DNAH7: variants seen among roughly 807,000 people sequenced by gnomAD.
DNAH7 encodes axonemal beta dynein heavy chain 7.
Under a neutral mutation model 444.6 loss-of-function variants are expected in DNAH7, and 397 were observed. The ratio of observed to expected loss-of-function variants is 0.89; its 90% CI spans 0.82 to 0.97. The LOEUF (loss-of-function observed/expected upper bound fraction) is 0.97, where lower values mean the gene tolerates loss of function less well. Among genes scored for constraint, DNAH7 ranks in the 50% least tolerant of loss-of-function variants. The pLI is 0.00. For synonymous variants in DNAH7, 1,636 were observed against 1,624.4 expected (o/e 1.01, Z -0.17); for missense variants, 4,902 against 4,800.8 (o/e 1.02, Z -0.62).
intron 5 of DNAH7, among the ~76,000 whole-genome samples, chr2:196,041,242 C>T (rs1696739603): frequency 6.6e-6 from 1 of 151,720 alleles, no homozygotes; most frequent in Admixed American, 6.6e-5. Context: ...CCCAAATAGC[C>T]CTAATCCTTA....
chr2:195,819,684 A>C (rs1343899552), intron 49 of DNAH7, among the ~76,000 whole-genome samples: 1 of 152,172 alleles, frequency 6.6e-6, no homozygotes, highest in Non-Finnish European at 1.5e-5. Context: ...AGGAGCACAG[A>C]GGGCACCCAA....
At chr2:196,060,764 A>G (rs775383421) in intron 1 of DNAH7, among the ~76,000 whole-genome samples, 3 of 152,200 alleles carry the variant, frequency 2.0e-5, no homozygotes, top group Non-Finnish European at 4.4e-5. Context: ...TTACCTCCAC[A>G]ATGCCAAGTC....
chr2:195,769,312 C>T (rs1176880259), intron 61 of DNAH7, among the ~76,000 whole-genome samples: 3 of 150,824 alleles, frequency 2.0e-5, no homozygotes, highest in Non-Finnish European at 4.4e-5. Context: ...ATCCTCCCAA[C>T]TCAGCCTCCT....
intron 61 of DNAH7, among the ~76,000 whole-genome samples, chr2:195,766,425 C>T (rs576428193): frequency 1.6e-4 from 25 of 151,824 alleles, no homozygotes; most frequent in Non-Finnish European, 2.9e-4. Context: ...GCCTCCGGTT[C>T]CCAAAGTGCT....
intron 47 of DNAH7, among the ~76,000 whole-genome samples, chr2:195,835,962 C>T (rs549751391): frequency 3.3e-5 from 5 of 152,350 alleles, no homozygotes; most frequent in African/African-American, 1.2e-4. Flanking sequence ...CAGTATACCA[C>T]TGACTGAGTG....
intron 1 of DNAH7, among the ~76,000 whole-genome samples, chr2:196,067,400 GA>G (rs536101477): frequency 4.8e-4 from 73 of 152,144 alleles, no homozygotes; most frequent in African/African-American, 1.2e-3. Flanking sequence ...ATATCATGTA[GA>G]AAAAAACTAG....
intron 24 of DNAH7, among the ~76,000 whole-genome samples, chr2:195,917,476 A>C (rs1457677469): frequency 6.6e-6 from 1 of 152,240 alleles, no homozygotes; most frequent in African/African-American, 2.4e-5. Flanking sequence ...AAGCATGTCA[A>C]GTCAAAAGGT....
chr2:195,900,715 TA>T, intron 27 of DNAH7: 1 of 470,432 alleles, frequency 2.1e-6, no homozygotes, highest in Non-Finnish European at 3.8e-6. Context: ...ATAAAAGAAA[TA>T]AATTCTAGTG....
At chr2:195,757,265 A>G (rs899471288) in intron 61 of DNAH7, among the ~76,000 whole-genome samples, 1 of 152,206 alleles carries the variant, frequency 6.6e-6, no homozygotes, top group South Asian at 2.1e-4. Flanking sequence ...GCATTCTGAA[A>G]AGGATGGTGA....
chr2:195,922,585 C>G (rs1559227433), intron 23 of DNAH7, among the ~76,000 whole-genome samples: 1 of 152,214 alleles, frequency 6.6e-6, no homozygotes, highest in Non-Finnish European at 1.5e-5. Context: ...ATCTGAGCTT[C>G]TAGCTCAGTA....
At chr2:195,951,020 G>A (rs1308010297) in intron 19 of DNAH7, among the ~76,000 whole-genome samples, 1 of 151,916 alleles carries the variant, frequency 6.6e-6, no homozygotes, top group African/African-American at 2.4e-5. Context: ...TCTTTAAATT[G>A]TGATGTTAGG....
In DNAH7 at chr2:195,864,697, T is replaced by C. The variant is rs771365546; in HGVS notation, c.6958A>G (p.Ile2320Val). 25 of 1,614,108 alleles carry C rather than the reference T, an allele frequency of 1.5e-5. No individual in the cohort carries two copies. Among genetic ancestry groups the C allele is most frequent in the Admixed American group, 3.3e-5 (2 of 60,004 alleles). ...PMNLVLFRFAIEHISRISRIL... is the reference protein window; with the variant it reads ...PMNLVLFRFAVEHISRISRIL... ...CTGGAAATTCTGCTGATGTGCTCTATGGCAAATCGAAACAAGACAAGGTTC... is the reference window on the plus strand; with the variant it reads ...CTGGAAATTCTGCTGATGTGCTCTACGGCAAATCGAAACAAGACAAGGTTC... Residue 2320 changes from isoleucine to valine, a missense_variant, in exon 41 of 65, where the codon ATA becomes GTA. Ile to Val is a conservative substitution (Grantham distance 29). Coordinates refer to ENST00000312428, the MANE Select transcript of DNAH7 (RefSeq NM_018897.3).
chr2:195,871,351 C>A (rs983986332), intron 40 of DNAH7, among the ~76,000 whole-genome samples: 1 of 152,032 alleles, frequency 6.6e-6, no homozygotes. Flanking sequence ...CAGGCTGAAG[C>A]GCAGTGGTGC....
rs1159195684 is a variant in DNAH7, at chr2:195,808,788, T to C, written c.9977A>G (p.Lys3326Arg). 6.2e-7 allele frequency: 1 copy of C among 1,614,032 alleles called. No individual in the cohort carries two copies. Among genetic ancestry groups the C allele is most frequent in the Admixed American group, 1.7e-5 (1 of 60,016 alleles). Residue 3326 changes from lysine to arginine, a missense_variant, in exon 53 of 65, where the codon AAA (lysine) becomes AGA (arginine). By Grantham distance (26) the Lys-to-Arg change is conservative. Transcript: ENST00000312428. ...YANLCTWLPQ[K>R]SWDEICRLDD... is the part of the protein sequence containing the mutation. Reference sequence around the variant, plus strand: ...TAATCGACATATTTCATCCCAGGATTTCTGAGGAAGCCATGTACAAAGGTT... The same window carrying C: ...TAATCGACATATTTCATCCCAGGATCTCTGAGGAAGCCATGTACAAAGGTT...
chr2:195,742,843 C>T lies in DNAH7; in HGVS notation c.11765-1974G>A, dbSNP rs74779250. 6.9e-3 allele frequency among the ~76,000 whole-genome samples: 1,053 copies of T among 152,284 alleles called. 10 individuals carry two copies. Among genetic ancestry groups the T allele is most frequent in the African/African-American group, 0.024 (1,016 of 41,552 alleles). ...GAGGAATCTTAGGTAATTGCATCTA[C>T]AATATAGGATGCTGTGACGATTAAT... On this transcript the variant is annotated intron_variant, in intron 63 of 64. Coordinates refer to ENST00000312428, the MANE Select transcript of DNAH7 (RefSeq NM_018897.3).
chr2:195,992,869 T>C (rs1466331578), intron 12 of DNAH7, among the ~76,000 whole-genome samples: 2 of 152,238 alleles, frequency 1.3e-5, no homozygotes, highest in African/African-American at 4.8e-5. Context: ...CTCCATGTTC[T>C]ACATCCTGGC....
In DNAH7 at chr2:196,068,834, G is replaced by T. The variant is rs6741762; in HGVS notation, c.-123C>A. 4 of 1,274,334 alleles carry T rather than the reference G, an allele frequency of 3.1e-6. No homozygotes were observed. Among genetic ancestry groups the T allele is most frequent in the East Asian group, 5.4e-5 (2 of 37,222 alleles). 78.9% of individuals were successfully genotyped at this position (1,274,334 alleles called of 1,614,324 possible). A position where few individuals can be genotyped will look rare whatever the true frequency, so the allele number is the denominator to read the frequency against. On this transcript the variant is annotated 5_prime_UTR_variant, in exon 1 of 65. Coordinates refer to ENST00000312428, the MANE Select transcript of DNAH7 (RefSeq NM_018897.3). ...TCTCAGCTCCCTCCGCACCAGAGCC[G>T]TCTAGCGTCCGGGCAGCGTTTGTTG...
chr2:195,889,318 TTTC>T (rs1559189403), intron 31 of DNAH7, among the ~76,000 whole-genome samples: 2 of 149,778 alleles, frequency 1.3e-5, no homozygotes, highest in Non-Finnish European at 1.5e-5. Flanking sequence ...TTTCTTTTTC[TTTC>T]TTTTCTTTTT....
At chr2:195,925,319 G>C (rs771230625) in intron 22 of DNAH7, among the ~76,000 whole-genome samples, 11 of 152,120 alleles carry the variant, frequency 7.2e-5, no homozygotes, top group Non-Finnish European at 1.3e-4. Flanking sequence ...GTCCCCTGGC[G>C]GGCCACCTTG....
Sources: gnomAD v4.1 joint callset for allele counts (sites outside exome capture counted in the v4.1 genomes callset) on GRCh38, gnomAD v4.1.1 for gene constraint, MANE v1.5 for transcripts, NCBI Gene and HGNC (gene_info 2026-07-23, HGNC 2026-07-21) for gene names.